The following CDIN1 variants were observed in gnomAD, a reference collection of about 807,000 sequenced individuals.
CDIN1 encodes the protein CDAN1 interacting nuclease 1.
In CDIN1, 33 loss-of-function variants were observed where a neutral mutation model predicts 45.3. That is an observed-to-expected ratio of 0.73 (90% CI 0.55 to 0.97). The LOEUF is 0.97. Ranked by LOEUF, CDIN1 falls within the 50% of genes least tolerant of loss-of-function variation. The pLI, the probability that CDIN1 is intolerant of heterozygous loss-of-function variation, is 0.00. For missense variants in CDIN1, 303 were observed against 339.4 expected, an observed-to-expected ratio of 0.89 and a Z score of 0.84; for synonymous variants, 118 against 124.4, an observed-to-expected ratio of 0.95 and a Z score of 0.34.
At chr15:36,786,025 A>G (rs994977276) in intron 10 of CDIN1, among the ~76,000 whole-genome samples, 1 of 152,212 alleles carries the variant, frequency 6.6e-6, no homozygotes, top group East Asian at 1.9e-4. Context: ...TTGTTGTAAT[A>G]TAAAGCTCAT....
chr15:36,644,241 C>T, intron 1 of CDIN1, 37 bp from the exon 2 acceptor site: 1 of 1,604,856 alleles, frequency 6.2e-7, no homozygotes, highest in Non-Finnish European at 8.5e-7. Flanking sequence ...GCCGTGCACT[C>T]CAGTAATTAA....
intron 1 of CDIN1, chr15:36,619,124 C>T: frequency 9.1e-7 from 1 of 1,094,862 alleles, no homozygotes; most frequent in Non-Finnish European, 1.3e-6. Context: ...AAGGATTATT[C>T]TGGCTTCTGA....
chr15:36,611,036 C>G (rs1043862621), intron 1 of CDIN1, among the ~76,000 whole-genome samples: 1 of 152,212 alleles, frequency 6.6e-6, no homozygotes, highest in Non-Finnish European at 1.5e-5. Flanking sequence ...GACTCATTCT[C>G]TTAGCGTTAT....
chr15:36,613,680 T>A, intron 1 of CDIN1: 1 of 1,463,332 alleles, frequency 6.8e-7, no homozygotes, highest in Non-Finnish European at 9.6e-7. Flanking sequence ...CAGGAGCGCC[T>A]GGCTACTGCC....
chr15:36,632,806 C>A (rs551738117), intron 1 of CDIN1, among the ~76,000 whole-genome samples: 1 of 152,312 alleles, frequency 6.6e-6, no homozygotes, highest in East Asian at 1.9e-4. Flanking sequence ...ATAAACATTT[C>A]TTACAAATCT....
At chr15:36,775,591 C>T (rs2054198354) in intron 10 of CDIN1, among the ~76,000 whole-genome samples, 1 of 152,160 alleles carries the variant, frequency 6.6e-6, no homozygotes, top group African/African-American at 2.4e-5. Context: ...ACTCAAGAGT[C>T]TTGATGTACC....
chr15:36,775,898 A>T (rs1035163090), intron 10 of CDIN1, among the ~76,000 whole-genome samples: 2 of 152,180 alleles, frequency 1.3e-5, no homozygotes, highest in Non-Finnish European at 2.9e-5. Context: ...GTATGTACGT[A>T]TGTATGTATT....
At chr15:36,611,360 G>A (rs557229472) in intron 1 of CDIN1, among the ~76,000 whole-genome samples, 5 of 152,314 alleles carry the variant, frequency 3.3e-5, no homozygotes, top group Middle Eastern at 3.4e-3. Context: ...TCTCCAGCAC[G>A]TGGAAATTGT....
intron 10 of CDIN1, among the ~76,000 whole-genome samples, chr15:36,755,087 A>G (rs2053574699): frequency 6.6e-6 from 1 of 152,198 alleles, no homozygotes; most frequent in Non-Finnish European, 1.5e-5. Flanking sequence ...TCATAGCAAT[A>G]TTGACAGTGT....
chr15:36,618,397 A>G (rs1393353731), intron 1 of CDIN1: 2 of 713,556 alleles, frequency 2.8e-6, no homozygotes, highest in Non-Finnish European at 5.1e-6. Flanking sequence ...ATGGAACAAA[A>G]TGGGGACTAT....
chr15:36,707,043 G>A (rs1356620045), intron 8 of CDIN1: 4 of 151,970 alleles, frequency 2.6e-5, no homozygotes, highest in Non-Finnish European at 4.4e-5. Context: ...TTGTTACCTC[G>A]TCCTTTCTTA....
At chr15:36,727,566 C>T (rs993710193) in intron 10 of CDIN1, among the ~76,000 whole-genome samples, 1 of 152,064 alleles carries the variant, frequency 6.6e-6, no homozygotes, top group Non-Finnish European at 1.5e-5. Context: ...TTTTAGTAGC[C>T]TCTTATACAT....
chr15:36,684,109 A>C (rs2041954571), intron 5 of CDIN1, among the ~76,000 whole-genome samples: 1 of 151,522 alleles, frequency 6.6e-6, no homozygotes, highest in South Asian at 2.1e-4. Flanking sequence ...TTCCAACACT[A>C]TGTTGAATAG....
chr15:36,695,894 A>G (rs2042406519), intron 7 of CDIN1, among the ~76,000 whole-genome samples: 1 of 151,874 alleles, frequency 6.6e-6, no homozygotes, highest in Non-Finnish European at 1.5e-5. Flanking sequence ...TTGTGTGGCT[A>G]TTATAAGATG....
chr15:36,666,958 C>A (rs2041272461), intron 5 of CDIN1, among the ~76,000 whole-genome samples: 1 of 152,166 alleles, frequency 6.6e-6, no homozygotes, highest in Non-Finnish European at 1.5e-5. Flanking sequence ...GTAGTATTAT[C>A]CCCATCTACA....
chr15:36,716,978 G>T (rs535023170), intron 10 of CDIN1, among the ~76,000 whole-genome samples: 6 of 152,158 alleles, frequency 3.9e-5, no homozygotes, highest in Admixed American at 3.3e-4. Flanking sequence ...CTACTCCACC[G>T]GCAGCTTCAT....
At chr15:36,613,181 T>A (rs1163269795) in intron 1 of CDIN1, among the ~76,000 whole-genome samples, 1 of 152,204 alleles carries the variant, frequency 6.6e-6, no homozygotes, top group African/African-American at 2.4e-5. Context: ...GTTCATTTGC[T>A]GTGTCTGTGA....
chr15:36,774,759 T>C (rs1490136293), intron 10 of CDIN1, among the ~76,000 whole-genome samples: 1 of 152,190 alleles, frequency 6.6e-6, no homozygotes, highest in African/African-American at 2.4e-5. Flanking sequence ...CTCCTAGGAC[T>C]GGTCTCCAGG....
At chr15:36,640,100 CA>C (rs1223828878) in intron 1 of CDIN1, among the ~76,000 whole-genome samples, 3 of 152,106 alleles carry the variant, frequency 2.0e-5, no homozygotes, top group Non-Finnish European at 1.5e-5. Context: ...TCCAGATTTC[CA>C]TTTTGCATTT....
Sources: gnomAD v4.1 joint callset for allele counts (sites outside exome capture counted in the v4.1 genomes callset) on GRCh38, gnomAD v4.1.1 for gene constraint, MANE v1.5 for transcripts, NCBI Gene and HGNC (gene_info 2026-07-23, HGNC 2026-07-21) for gene names.